CD84: variants seen among roughly 807,000 people sequenced by gnomAD.
The protein encoded by CD84 is CD84 molecule.
In CD84, 22 loss-of-function variants were observed where a neutral mutation model predicts 33.8. The observed-to-expected ratio is 0.65, with a 90% confidence interval of 0.46 to 0.93. CD84 has a LOEUF of 0.93. CD84 is among the 40% of genes least tolerant of loss of function. CD84 has a pLI of 0.00. For missense variants in CD84, 400 were observed against 397.6 expected (o/e 1.01, Z -0.05); for synonymous variants, 154 against 145.2 (o/e 1.06, Z -0.44).
chr1:160,575,494 A>AACACACACAC lies in CD84; in HGVS notation c.46+3888_46+3897dup, dbSNP rs3078967. 2.3e-3 allele frequency among the ~76,000 whole-genome samples: 332 copies of AACACACACAC among 146,798 alleles called. 1 individual carries two copies. The highest frequency in any genetic ancestry group is 7.9e-3 in the African/African-American group (317 of 39,990). On this transcript the variant is annotated intron_variant, in intron 1 of 6. Coordinates refer to ENST00000368054, the MANE Select transcript of CD84 (RefSeq NM_003874.4). ...GGTTTACTTGAATCAGTTCCTTCAA[A>AACACACACAC]ACACACACACACACACACACACACA...
At chr1:160,561,450 A>G (rs1345551074) in intron 2 of CD84, among the ~76,000 whole-genome samples, 1 of 152,202 alleles carries the variant, frequency 6.6e-6, no homozygotes, top group African/African-American at 2.4e-5. Context: ...AGGGCCTTCA[A>G]TAAAATTCAA....
chr1:160,578,235 A>G (rs1204911569), intron 1 of CD84, among the ~76,000 whole-genome samples: 5 of 152,212 alleles, frequency 3.3e-5, no homozygotes, highest in Admixed American at 6.5e-5. Flanking sequence ...ATGTAGGCAT[A>G]AACATTGTAG....
chr1:160,550,269 G>C (rs1425880985), intron 5 of CD84, among the ~76,000 whole-genome samples: 2 of 152,080 alleles, frequency 1.3e-5, no homozygotes, highest in Non-Finnish European at 2.9e-5. Context: ...CAGGATTTTA[G>C]CTTTCCATGG....
intron 4 of CD84, chr1:160,552,833 C>G: frequency 4.5e-6 from 4 of 886,690 alleles, no homozygotes; most frequent in Non-Finnish European, 7.4e-6. Flanking sequence ...CTTGGGTGGA[C>G]ATGGGATGTG....
intron 2 of CD84, among the ~76,000 whole-genome samples, chr1:160,560,070 A>C (rs1285810053): frequency 6.6e-6 from 1 of 152,144 alleles, no homozygotes; most frequent in African/African-American, 2.4e-5. Flanking sequence ...CCTACTTACC[A>C]TATTAGACAG....
chr1:160,577,255 C>T (rs1323593270), intron 1 of CD84, among the ~76,000 whole-genome samples: 2 of 152,176 alleles, frequency 1.3e-5, no homozygotes, highest in Non-Finnish European at 2.9e-5. Flanking sequence ...GCCTCTTCAA[C>T]TGCTCTGAAT....
At chr1:160,575,981 C>T (rs917234527) in intron 1 of CD84, among the ~76,000 whole-genome samples, 1 of 152,154 alleles carries the variant, frequency 6.6e-6, no homozygotes, top group African/African-American at 2.4e-5. Flanking sequence ...TTTTGATAAG[C>T]AGTTTTACCC....
rs1656431541 is a variant in CD84, at chr1:160,554,029, C to A, written c.506G>T (p.Ser169Ile). The A allele has an allele frequency of 6.2e-7, 1 of 1,614,090 alleles. No individual in the cohort carries two copies. The highest frequency in any genetic ancestry group is 8.5e-7 in the Non-Finnish European group (1 of 1,180,052). Residue 169 changes from serine to isoleucine, a missense_variant, in exon 3 of 7, where the codon AGT becomes ATT. Transcript: ENST00000368054. ...KEEKNVTYNW[S>I]PLGEEGNVLQ... ...GACATTACCCTCTTCTCCCAGGGGA[C>A]TCCAATTGTATGTCACATTCTTTTC...
At chr1:160,560,860 T>C (rs527887451) in intron 2 of CD84, among the ~76,000 whole-genome samples, 2 of 152,196 alleles carry the variant, frequency 1.3e-5, no homozygotes, top group East Asian at 3.9e-4. Context: ...GAGAATACTA[T>C]AAATATCTCT....
intron 2 of CD84, among the ~76,000 whole-genome samples, chr1:160,563,362 A>G (rs1657115422): frequency 1.3e-5 from 2 of 152,200 alleles, no homozygotes; most frequent in Admixed American, 1.3e-4. Context: ...CCCATCAATG[A>G]TAGATTGGAT....
intron 1 of CD84, 31 bp from the exon 2 acceptor site, chr1:160,565,776 C>G (rs1657288668): frequency 6.7e-7 from 1 of 1,502,338 alleles, no homozygotes; most frequent in African/African-American, 1.4e-5. Flanking sequence ...CTGTAGCCAT[C>G]TGACTGTTGC....
chr1:160,550,939 T>A lies in CD84; in HGVS notation c.857A>T (p.Lys286Met), dbSNP rs200118969. The A allele has an allele frequency of 1.9e-6, 3 of 1,613,218 alleles. No homozygotes were observed. The highest frequency in any genetic ancestry group is 2.5e-6 in the Non-Finnish European group (3 of 1,179,288). Residue 286 changes from lysine to methionine, a missense_variant and splice_region_variant, in exon 5 of 7, where the codon AAG (lysine) becomes ATG (methionine). Lys to Met is a moderately conservative substitution (Grantham distance 95). Transcript: ENST00000368054. ...TGTCCATGAATTGCATCAGCTCACC[T>A]TGGACTGCAGGATTTCATCATAGAT... ...SRIYDEILQS[K>M]VLPSKEEPVN...
rs1055880 is a variant in CD84, at chr1:160,547,902, C to A, written c.*354G>T. On this transcript the variant is annotated 3_prime_UTR_variant, in exon 7 of 7. Transcript: ENST00000368054. ...GGTTGTTACCTCCAGTCACAAGAGG[C>A]CTCTAGTCATATGCAGCTTCCAGAA... 1.7e-5 allele frequency: 5 copies of A among 293,772 alleles called. No homozygotes were observed. The East Asian group carries it at 4.4e-4, about 26-fold the overall frequency. 18.2% of individuals were successfully genotyped at this position (293,772 alleles called of 1,614,324 possible).
chr1:160,556,462 C>T (rs1656614289), intron 2 of CD84, among the ~76,000 whole-genome samples: 1 of 152,138 alleles, frequency 6.6e-6, no homozygotes, highest in Non-Finnish European at 1.5e-5. Context: ...ATTCTAATTA[C>T]CTATTTACTT....
intron 1 of CD84, among the ~76,000 whole-genome samples, chr1:160,568,041 T>A (rs912586454): frequency 2.0e-5 from 3 of 152,132 alleles, no homozygotes; most frequent in Non-Finnish European, 4.4e-5. Flanking sequence ...TGGTCTCAGA[T>A]CTCCCACGTC....
intron 1 of CD84, among the ~76,000 whole-genome samples, chr1:160,579,144 T>G (rs1255662967): frequency 6.6e-6 from 1 of 152,128 alleles, no homozygotes; most frequent in Non-Finnish European, 1.5e-5. Context: ...CTCAGACCTT[T>G]GGAAACTGAG....
rs998044576 is a variant in CD84, at chr1:160,546,155, A to C, written c.*2101T>G. On this transcript the variant is annotated 3_prime_UTR_variant, in exon 7 of 7. Transcript: ENST00000368054. The stretch of plus-strand genomic sequence containing the variant: ...AGATGTGTGCCACCACACCTGGCTA[A>C]TTTCGTATTTTTAGTAGAGATGGGG... 1 of 150,884 alleles carries C rather than the reference A, an allele frequency of 6.6e-6. No individual in the cohort carries two copies. Among genetic ancestry groups the C allele is most frequent in the Admixed American group, 6.6e-5 (1 of 15,100 alleles). 9.3% of individuals were successfully genotyped at this position (150,884 alleles called of 1,614,324 possible).
At chr1:160,568,289 A>G (rs760790467) in intron 1 of CD84, among the ~76,000 whole-genome samples, 24 of 152,082 alleles carry the variant, frequency 1.6e-4, no homozygotes, top group Non-Finnish European at 2.9e-4. Flanking sequence ...AGTATGTCTC[A>G]TCTCCTGTAG....
At position 160,541,952 on chromosome 1, in the gene CD84, A is replaced by T. The variant is rs1199757701; in HGVS notation, c.*6304T>A. 1.3e-5 allele frequency: 2 copies of T among 152,276 alleles called. No individual in the cohort carries two copies. The highest frequency in any genetic ancestry group is 3.8e-4 in the East Asian group (2 of 5,208). 9.4% of individuals were successfully genotyped at this position (152,276 alleles called of 1,614,324 possible). On this transcript the variant is annotated 3_prime_UTR_variant, in exon 7 of 7. Transcript: ENST00000368054. ...GGCCAATTAAGGGCACATGCCTGAG[A>T]GGAGCCATATAGAGAAGTTGGAATT... is the stretch of plus-strand genomic sequence containing the variant.
Sources: gnomAD v4.1 joint callset for allele counts (sites outside exome capture counted in the v4.1 genomes callset) on GRCh38, gnomAD v4.1.1 for gene constraint, MANE v1.5 for transcripts, NCBI Gene and HGNC (gene_info 2026-07-23, HGNC 2026-07-21) for gene names.